Variants in PDE7B observed in about 807,000 individuals in gnomAD.
PDE7B encodes phosphodiesterase 7B.
Under a neutral mutation model 56.2 loss-of-function variants are expected in PDE7B, and 29 were observed. The observed-to-expected ratio is 0.52, with a 90% CI of 0.38 to 0.70. The LOEUF (loss-of-function observed/expected upper bound fraction) is 0.70. PDE7B is among the 30% of genes least tolerant of loss of function. The probability of loss-of-function intolerance (pLI) is 0.00; values close to 1 mark genes in which losing one functional copy is unlikely to be tolerated. For synonymous variants in PDE7B, 197 were observed against 196.9 expected (o/e 1.00, Z 0.00); for missense variants, 490 against 565.0 (o/e 0.87, Z 1.35).
At chr6:136,183,085 A>C (rs1002115544) in intron 11 of PDE7B, among the ~76,000 whole-genome samples, 1 of 151,886 alleles carries the variant, frequency 6.6e-6, no homozygotes, top group Non-Finnish European at 1.5e-5. Context: ...AAAAAAAAAA[A>C]AAAAAACCCT....
intron 2 of PDE7B, among the ~76,000 whole-genome samples, chr6:136,042,471 A>G (rs1173109415): frequency 2.6e-5 from 4 of 152,330 alleles, no homozygotes; most frequent in Admixed American, 2.6e-4. Flanking sequence ...TAAATTTTGC[A>G]TTATAGTTTA....
At chr6:135,945,416 A>G (rs1774579107) in intron 1 of PDE7B, among the ~76,000 whole-genome samples, 1 of 152,070 alleles carries the variant, frequency 6.6e-6, no homozygotes, top group African/African-American at 2.4e-5. Context: ...TCCTTCCTCC[A>G]TGGTCCAGCC....
rs533318868 is a variant in PDE7B, at chr6:136,001,858, A to G, written c.82+54334A>G. The stretch of plus-strand genomic sequence containing the variant: ...TCAGGAAATACAGAGAACGCCACAA[A>G]GATACTCCTCGAGAAGAGCAACTCC... On this transcript the variant is annotated intron_variant, in intron 2 of 12. Transcript: ENST00000308191. Among the ~76,000 whole-genome samples, 4 of 152,108 alleles carry G rather than the reference A, an allele frequency of 2.6e-5. No homozygotes were observed. The South Asian group carries it at 6.3e-4, about 24-fold the overall frequency.
rs141702454 is a variant in PDE7B at position 135,881,468 on chromosome 6, A to G, written c.21+29449A>G. 6.2e-3 allele frequency among the ~76,000 whole-genome samples: 950 copies of G among 152,276 alleles called. 7 individuals are homozygous for G. Among genetic ancestry groups the G allele is most frequent in the Admixed American group, 8.4e-3 (129 of 15,294 alleles). ...CGTTGCAATGAGCTGAGATCGTGCC[A>G]CTGCACTCCAGCCTGGTGACAGAGC... On this transcript the variant is annotated intron_variant, in intron 1 of 12. Coordinates refer to ENST00000308191, the MANE Select transcript of PDE7B (RefSeq NM_018945.4).
intron 1 of PDE7B, among the ~76,000 whole-genome samples, chr6:135,902,489 A>G (rs910768754): frequency 2.0e-5 from 3 of 151,604 alleles, no homozygotes; most frequent in Non-Finnish European, 2.9e-5. Flanking sequence ...AAGAGTCCAT[A>G]GTTATCTGAA....
chr6:135,995,888 C>G (rs1775556239), intron 2 of PDE7B, among the ~76,000 whole-genome samples: 1 of 150,432 alleles, frequency 6.6e-6, no homozygotes, highest in Non-Finnish European at 1.5e-5. Flanking sequence ...TCTTTAAAAG[C>G]CTATTATAAG....
intron 1 of PDE7B, among the ~76,000 whole-genome samples, chr6:135,921,507 A>G (rs1774079848): frequency 1.3e-5 from 2 of 152,150 alleles, no homozygotes. Flanking sequence ...TGTTTCCATT[A>G]TGAGATGTTC....
rs568909155 is a variant in PDE7B at position 136,179,187 on chromosome 6, T to C, written c.948+46T>C. The C allele has an allele frequency of 3.8e-6, 6 of 1,571,680 alleles. No homozygotes were observed. The South Asian group carries it at 4.5e-5, about 12-fold the overall frequency. ...CATTCTTTTTGCTGAGTGAAAACAC[T>C]CAGCTGGGCTGGGTGTGGTGGCTCA... On this transcript the variant is annotated intron_variant, in intron 10 of 12. Coordinates refer to ENST00000308191, the MANE Select transcript of PDE7B (RefSeq NM_018945.4).
chr6:135,983,165 A>G (rs1004316436), intron 2 of PDE7B, among the ~76,000 whole-genome samples: 4 of 152,188 alleles, frequency 2.6e-5, no homozygotes, highest in Non-Finnish European at 5.9e-5. Flanking sequence ...CAAAAAATTT[A>G]AGACACACAC....
chr6:136,028,166 A>G (rs1776184804), intron 2 of PDE7B, among the ~76,000 whole-genome samples: 1 of 152,208 alleles, frequency 6.6e-6, no homozygotes. Context: ...CGCAGCACTG[A>G]GACGTTAAGT....
intron 8 of PDE7B, among the ~76,000 whole-genome samples, chr6:136,157,028 A>G (rs1778620383): frequency 6.6e-6 from 1 of 152,240 alleles, no homozygotes; most frequent in Non-Finnish European, 1.5e-5. Flanking sequence ...ACAATAGCCC[A>G]GTGAGGTGAG....
At chr6:135,981,584 T>A (rs1420899148) in intron 2 of PDE7B, among the ~76,000 whole-genome samples, 3 of 149,056 alleles carry the variant, frequency 2.0e-5, no homozygotes, top group Non-Finnish European at 3.0e-5. Flanking sequence ...ATGTTGATCA[T>A]CTTGACCCTG....
chr6:136,145,888 T>A (rs1488102991), intron 3 of PDE7B, among the ~76,000 whole-genome samples: 1 of 152,182 alleles, frequency 6.6e-6, no homozygotes, highest in African/African-American at 2.4e-5. Flanking sequence ...CAAGTTTTTA[T>A]CTCAAGCCCA....
intron 2 of PDE7B, among the ~76,000 whole-genome samples, chr6:135,981,177 C>T (rs192731387): frequency 0.02 from 3,085 of 151,006 alleles, 116 homozygotes; most frequent in African/African-American, 0.07. Context: ...AGTAAACTAT[C>T]GCAAGAACAA....
At chr6:135,890,194 T>A (rs1041485352) in intron 1 of PDE7B, among the ~76,000 whole-genome samples, 8 of 152,216 alleles carry the variant, frequency 5.3e-5, no homozygotes, top group African/African-American at 1.7e-4. Flanking sequence ...AATAACATTT[T>A]AAAAAATGAA....
intron 3 of PDE7B, among the ~76,000 whole-genome samples, chr6:136,121,800 A>G (rs1346266567): frequency 6.6e-6 from 1 of 152,210 alleles, no homozygotes; most frequent in Non-Finnish European, 1.5e-5. Flanking sequence ...CATTCAAAAA[A>G]AGACCAGGTA....
chr6:136,115,001 G>C (rs962605531), intron 3 of PDE7B: 1 of 152,160 alleles, frequency 6.6e-6, no homozygotes, highest in African/African-American at 2.4e-5. Flanking sequence ...GCAGAAGACA[G>C]AGTTGGCGAT....
At chr6:136,171,356 G>C (rs1241143108) in intron 8 of PDE7B, among the ~76,000 whole-genome samples, 3 of 152,168 alleles carry the variant, frequency 2.0e-5, no homozygotes, top group Admixed American at 2.0e-4. Flanking sequence ...CTGCCTGCAA[G>C]GTAATGGTTC....
At chr6:136,188,533 A>C (rs902026442) in intron 12 of PDE7B, among the ~76,000 whole-genome samples, 2 of 152,138 alleles carry the variant, frequency 1.3e-5, no homozygotes, top group Admixed American at 6.5e-5. Flanking sequence ...CAAAGTCCTA[A>C]TCCTGAGGCT....
Sources: gnomAD v4.1 joint callset for allele counts (sites outside exome capture counted in the v4.1 genomes callset) on GRCh38, gnomAD v4.1.1 for gene constraint, MANE v1.5 for transcripts, NCBI Gene and HGNC (gene_info 2026-07-23, HGNC 2026-07-21) for gene names.